Variants in AKAP13 observed in about 807,000 individuals in gnomAD.
AKAP13 encodes the protein A-kinase anchor protein 13.
Under a neutral mutation model 264.5 loss-of-function variants are expected in AKAP13, and 80 were observed. The ratio of observed to expected loss-of-function variants is 0.30; its 90% CI spans 0.25 to 0.36. AKAP13 has a LOEUF of 0.36. Ranked by LOEUF, AKAP13 falls within the 10% of genes least tolerant of loss-of-function variation. The pLI is 1.00. For missense variants in AKAP13, 3,712 were observed against 3,435.2 expected (o/e 1.08, Z -2.01); for synonymous variants, 1,380 against 1,250.2 (o/e 1.10, Z -2.19).
At chr15:85,433,877 G>A in intron 1 of AKAP13, among the ~76,000 whole-genome samples, 1 of 152,030 alleles carries the variant, frequency 6.6e-6, no homozygotes, top group East Asian at 1.9e-4. Flanking sequence ...GGAGTTGGAG[G>A]TTGCGGTGAG....
intron 5 of AKAP13, among the ~76,000 whole-genome samples, chr15:85,565,276 A>G (rs550930759): frequency 6.6e-5 from 10 of 151,962 alleles, no homozygotes; most frequent in South Asian, 4.2e-4. Context: ...AGAAATCTCT[A>G]TGGACCTTCC....
intron 8 of AKAP13, among the ~76,000 whole-genome samples, chr15:85,633,606 C>T (rs1454250225): frequency 3.0e-5 from 4 of 133,988 alleles, no homozygotes; most frequent in Non-Finnish European, 6.2e-5. Context: ...TGCAGTGGCA[C>T]AATCTCGGCT....
At chr15:85,534,090 T>C (rs2077317870) in intron 4 of AKAP13, 1 of 528,524 alleles carries the variant, frequency 1.9e-6, no homozygotes, top group Non-Finnish European at 3.2e-6. Flanking sequence ...GAAATGACCC[T>C]AGGGATTACC....
At chr15:85,602,859 T>C (rs916751155) in intron 8 of AKAP13, among the ~76,000 whole-genome samples, 2 of 152,236 alleles carry the variant, frequency 1.3e-5, no homozygotes, top group South Asian at 2.1e-4. Flanking sequence ...TTGGAAAATA[T>C]TGATTCACTG....
Position 85,581,467 on chromosome 15 carries a change from A to G in AKAP13, c.3399A>G (p.Pro1133=), listed in dbSNP as rs977046254. 6.2e-7 allele frequency: 1 copy of G among 1,614,212 alleles called. No homozygotes were observed. Among genetic ancestry groups the G allele is most frequent in the Non-Finnish European group, 8.5e-7 (1 of 1,180,034 alleles). Residue 1133 remains proline, a synonymous_variant, in exon 7 of 37, where the codon CCA becomes CCG. Coordinates refer to ENST00000394518, the MANE Select transcript of AKAP13 (RefSeq NM_007200.5). ...SQEKNAVLGL[P]VALQDKAVTD... ...AGAAGAATGCCGTTCTAGGTTTGCC[A>G]GTGGCTCTACAGGACAAAGCTGTGA...
intron 2 of AKAP13, among the ~76,000 whole-genome samples, chr15:85,500,353 G>A (rs2076007143): frequency 6.6e-6 from 1 of 152,134 alleles, no homozygotes; most frequent in Admixed American, 6.5e-5. Context: ...CATTTTATTG[G>A]TCTGACAAAC....
At chr15:85,609,960 T>C (rs2080528099) in intron 8 of AKAP13, among the ~76,000 whole-genome samples, 1 of 152,236 alleles carries the variant, frequency 6.6e-6, no homozygotes, top group Non-Finnish European at 1.5e-5. Context: ...CCAAGCTGTC[T>C]TGTGTTTGTG....
intron 1 of AKAP13, among the ~76,000 whole-genome samples, chr15:85,452,053 AT>A (rs2074110986): frequency 6.6e-6 from 1 of 151,834 alleles, no homozygotes; most frequent in African/African-American, 2.4e-5. Context: ...GGTTTTGTTC[AT>A]TCCTTTTTAT....
chr15:85,692,811 G>A (rs531254783), intron 16 of AKAP13, among the ~76,000 whole-genome samples: 78 of 152,276 alleles, frequency 5.1e-4, no homozygotes, highest in Non-Finnish European at 7.9e-4. Context: ...GAGGAGCCTC[G>A]GTAATTTTTC....
At chr15:85,480,194 A>T (rs1221352549) in intron 1 of AKAP13, among the ~76,000 whole-genome samples, 2 of 152,162 alleles carry the variant, frequency 1.3e-5, no homozygotes. Flanking sequence ...CTTTTCTATG[A>T]TTATTGTATT....
intron 1 of AKAP13, among the ~76,000 whole-genome samples, chr15:85,460,078 T>C (rs968481348): frequency 5.9e-5 from 9 of 152,342 alleles, no homozygotes; most frequent in African/African-American, 1.9e-4. Flanking sequence ...CAAAAATTGC[T>C]TTCTTGGGCA....
intron 8 of AKAP13, among the ~76,000 whole-genome samples, chr15:85,590,006 T>A (rs1192476726): frequency 6.6e-6 from 1 of 152,098 alleles, no homozygotes. Flanking sequence ...CCTTCTAGAG[T>A]CTGTTTTCAT....
intron 5 of AKAP13, among the ~76,000 whole-genome samples, chr15:85,569,372 T>C: frequency 6.6e-6 from 1 of 151,960 alleles, no homozygotes; most frequent in East Asian, 1.9e-4. Context: ...AAACAGTAGA[T>C]GTATAGGATG....
chr15:85,633,535 CTTTTTT>C (rs56687591), intron 8 of AKAP13, among the ~76,000 whole-genome samples: 4 of 97,738 alleles, frequency 4.1e-5, no homozygotes, highest in Non-Finnish European at 8.6e-5. Context: ...CTTTTTTTTT[CTTTTTT>C]TTTTTTTTTT....
At chr15:85,689,460 A>T (rs2085142682) in intron 16 of AKAP13, among the ~76,000 whole-genome samples, 1 of 152,212 alleles carries the variant, frequency 6.6e-6, no homozygotes, top group Admixed American at 6.5e-5. Context: ...ATCACCTTTG[A>T]TAGTGTCCTA....
At chr15:85,490,569 G>C (rs2075693803) in intron 2 of AKAP13, among the ~76,000 whole-genome samples, 1 of 152,244 alleles carries the variant, frequency 6.6e-6, no homozygotes, top group Admixed American at 6.5e-5. Flanking sequence ...TGGTGTAGAA[G>C]ACAAAGTGAG....
chr15:85,648,356 G>T (rs1354104266), intron 10 of AKAP13, among the ~76,000 whole-genome samples: 1 of 152,198 alleles, frequency 6.6e-6, no homozygotes, highest in Admixed American at 6.5e-5. Context: ...GACAGCTTGT[G>T]CCTGGATGTT....
In AKAP13 at chr15:85,743,743, T is replaced by C; in HGVS notation, c.8310T>C (p.Ser2770=). Residue 2770 remains serine, a synonymous_variant, in exon 36 of 37, where the codon TCT becomes TCC. Transcript: ENST00000394518. ...QSQAPASTSA[S]TRLFGLTKPK... The stretch of plus-strand genomic sequence containing the variant: ...AGGCCCCTGCGTCCACCTCTGCCTC[T>C]ACCCGCCTGTTTGGGTTAACAAAGC... 6.2e-7 allele frequency: 1 copy of C among 1,614,050 alleles called. No individual in the cohort carries two copies. The highest frequency in any genetic ancestry group is 8.5e-7 in the Non-Finnish European group (1 of 1,180,010).
At chr15:85,527,722 A>C (rs1431145283) in intron 3 of AKAP13, among the ~76,000 whole-genome samples, 1 of 152,232 alleles carries the variant, frequency 6.6e-6, no homozygotes, top group African/African-American at 2.4e-5. Flanking sequence ...CACTACTATT[A>C]GGTCCCCAAA....
Sources: gnomAD v4.1 joint callset for allele counts (sites outside exome capture counted in the v4.1 genomes callset) on GRCh38, gnomAD v4.1.1 for gene constraint, MANE v1.5 for transcripts, NCBI Gene and HGNC (gene_info 2026-07-23, HGNC 2026-07-21) for gene names.